The following NRG1 variants were observed in gnomAD, a reference collection of about 807,000 sequenced individuals.
NRG1 encodes the protein neuregulin 1.
In NRG1, 18 loss-of-function variants were observed where a neutral mutation model predicts 63.8. That is an observed-to-expected ratio of 0.28 (90% CI 0.19 to 0.42). The LOEUF is 0.42. Among genes scored for constraint, NRG1 ranks in the 10% least tolerant of loss-of-function variants. The pLI, the probability that NRG1 is intolerant of heterozygous loss-of-function variation, is 1.00. For missense variants in NRG1, 762 were observed against 814.7 expected (o/e 0.94, Z 0.79); for synonymous variants, 302 against 301.3 (o/e 1.00, Z -0.02).
intron 1 of NRG1, among the ~76,000 whole-genome samples, chr8:31,916,274 G>A (rs572187769): frequency 1.3e-4 from 19 of 151,604 alleles, no homozygotes; most frequent in East Asian, 1.9e-4. Flanking sequence ...GGTTAGTTAC[G>A]TATGTATACA....
At chr8:32,544,611 C>T (rs1262090434), upstream of NRG1, among the ~76,000 whole-genome samples, 4 of 151,380 alleles carry the variant, frequency 2.6e-5, no homozygotes, top group East Asian at 5.8e-4. Context: ...TCAGGTGATC[C>T]TCCCACCTCA....
intron 1 of NRG1, among the ~76,000 whole-genome samples, chr8:31,646,099 A>C (rs1460111722): frequency 6.6e-6 from 1 of 152,220 alleles, no homozygotes; most frequent in Non-Finnish European, 1.5e-5. Flanking sequence ...CTGTGAATGC[A>C]AATGGTCTTT....
intron 11 of NRG1, chr8:32,760,647 T>C: frequency 7.6e-7 from 1 of 1,315,188 alleles, no homozygotes; most frequent in Non-Finnish European, 9.8e-7. Context: ...TGGGATGCTT[T>C]GATGCGGAAG....
Position 32,627,395 on chromosome 8 carries a change from G to A in NRG1, c.502+10510G>A, listed in dbSNP as rs1034091117. Among the ~76,000 whole-genome samples, 4 of 152,298 alleles carry A rather than the reference G, an allele frequency of 2.6e-5. No homozygotes were observed. The East Asian group carries it at 7.7e-4, about 29-fold the overall frequency. On this transcript the variant is annotated intron_variant, in intron 5 of 11. Transcript: ENST00000356819. ...GACACTTATCCTTGATACAGAGATG[G>A]ATTTGCAAAGGCTATGTTACATATC...
At chr8:32,586,489 G>A (rs1841639398) in intron 1 of NRG1, among the ~76,000 whole-genome samples, 1 of 152,078 alleles carries the variant, frequency 6.6e-6, no homozygotes, top group African/African-American at 2.4e-5. Flanking sequence ...AGACAAATGT[G>A]GAGAGGTGAT....
chr8:32,069,105 A>G (rs953340189), intron 1 of NRG1, among the ~76,000 whole-genome samples: 1 of 152,196 alleles, frequency 6.6e-6, no homozygotes, highest in African/African-American at 2.4e-5. Flanking sequence ...TCCTTGAAGG[A>G]GGGATGAACC....
chr8:32,756,751 G>T (rs939692967), intron 9 of NRG1, among the ~76,000 whole-genome samples: 3 of 152,182 alleles, frequency 2.0e-5, no homozygotes, highest in African/African-American at 7.2e-5. Flanking sequence ...GTTCATTAAG[G>T]GGTTGGAATA....
At chr8:31,718,109 A>C (rs1479587140) in intron 1 of NRG1, among the ~76,000 whole-genome samples, 2 of 152,106 alleles carry the variant, frequency 1.3e-5, no homozygotes, top group African/African-American at 4.8e-5. Flanking sequence ...GTTGCTGAGG[A>C]TCATTTTTTT....
chr8:31,646,757 T>C (rs1804327399), intron 1 of NRG1, among the ~76,000 whole-genome samples: 1 of 152,192 alleles, frequency 6.6e-6, no homozygotes, highest in Non-Finnish European at 1.5e-5. Context: ...ATAGTGGAAA[T>C]CACTGTTCTA....
intron 1 of NRG1, among the ~76,000 whole-genome samples, chr8:32,391,335 T>C (rs191876636): frequency 5.3e-4 from 80 of 152,204 alleles, no homozygotes; most frequent in Non-Finnish European, 1.0e-3. Flanking sequence ...GTTCTTGTCA[T>C]GTTGCCCAGT....
chr8:32,510,288 G>A (rs1588046037), intron 1 of NRG1, among the ~76,000 whole-genome samples: 1 of 151,908 alleles, frequency 6.6e-6, no homozygotes, highest in African/African-American at 2.4e-5. Context: ...CTTGAGCACA[G>A]GAGGTCAAGG....
At chr8:32,692,116 G>C (rs1176607226) in intron 5 of NRG1, among the ~76,000 whole-genome samples, 1 of 152,150 alleles carries the variant, frequency 6.6e-6, no homozygotes. Flanking sequence ...ATGACTTGAA[G>C]TATTTTCCAA....
chr8:32,046,795 G>T (rs540925269), intron 1 of NRG1, among the ~76,000 whole-genome samples: 1 of 152,006 alleles, frequency 6.6e-6, no homozygotes, highest in Non-Finnish European at 1.5e-5. Flanking sequence ...ACTACAAGGA[G>T]ATAGCATGGG....
At chr8:31,716,845 C>T (rs1009445746) in intron 1 of NRG1, among the ~76,000 whole-genome samples, 1 of 152,164 alleles carries the variant, frequency 6.6e-6, no homozygotes. Flanking sequence ...GCATTAAATT[C>T]TATAATTTAA....
intron 1 of NRG1, among the ~76,000 whole-genome samples, chr8:32,448,051 T>C (rs752730596): frequency 6.6e-6 from 1 of 152,220 alleles, no homozygotes; most frequent in South Asian, 2.1e-4. Context: ...TATATTACTC[T>C]GGCTTTCCTA....
intron 5 of NRG1, among the ~76,000 whole-genome samples, chr8:32,649,434 A>G (rs904911730): frequency 2.0e-5 from 3 of 152,156 alleles, no homozygotes; most frequent in African/African-American, 7.2e-5. Flanking sequence ...ACTTTTTACC[A>G]TGAGGAATAT....
chr8:31,657,183 TG>T (rs1805510296), intron 1 of NRG1, among the ~76,000 whole-genome samples: 1 of 152,214 alleles, frequency 6.6e-6, no homozygotes, highest in South Asian at 2.1e-4. Context: ...TTACTTTGGG[TG>T]CAATAACAGT....
At chr8:32,713,764 T>G (rs1169921781) in intron 5 of NRG1, among the ~76,000 whole-genome samples, 1 of 147,478 alleles carries the variant, frequency 6.8e-6, no homozygotes, top group African/African-American at 2.5e-5. Flanking sequence ...TATTATATAT[T>G]TATATAATTA....
At chr8:31,956,040 C>A (rs1289592691) in intron 1 of NRG1, among the ~76,000 whole-genome samples, 67 of 128,078 alleles carry the variant, frequency 5.2e-4, no homozygotes, top group South Asian at 9.5e-4. Flanking sequence ...GAACCTGTCT[C>A]AAAAAAAAAA....
Sources: allele counts gnomAD v4.1 joint callset (sites outside exome capture counted in the v4.1 genomes callset), GRCh38; gene constraint gnomAD v4.1.1; transcripts MANE v1.5; gene names NCBI Gene and HGNC (gene_info 2026-07-23, HGNC 2026-07-21).